Variants in DKK3 observed in about 807,000 individuals in gnomAD.
DKK3 encodes the protein dickkopf-related protein 3.
DKK3 carries 22 observed loss-of-function variants against 33.2 expected under a neutral mutation model. The ratio of observed to expected loss-of-function variants is 0.66; its 90% CI spans 0.47 to 0.95. The LOEUF is 0.95. Ranked by LOEUF, DKK3 falls within the 40% of genes least tolerant of loss-of-function variation. DKK3 has a pLI of 0.00. For missense variants in DKK3, 398 were observed against 458.4 expected, an observed-to-expected ratio of 0.87 and a Z score of 1.20; for synonymous variants, 194 against 188.8, an observed-to-expected ratio of 1.03 and a Z score of -0.23.
intron 3 of DKK3, among the ~76,000 whole-genome samples, chr11:11,976,084 G>A (rs1847827149): frequency 1.3e-5 from 2 of 152,202 alleles, no homozygotes; most frequent in South Asian, 4.1e-4. Flanking sequence ...CTCACGGCAG[G>A]AGCTCAAAGG....
upstream of DKK3, chr11:12,008,850 A>G (rs1848600664): frequency 7.8e-6 from 9 of 1,151,872 alleles, no homozygotes; most frequent in Non-Finnish European, 8.5e-6. The surrounding 1 kb of genome is among the most constrained non-coding windows in gnomAD (Gnocchi z 4.6). Flanking sequence ...CTCGAGCACA[A>G]GCTGAGCTCT....
intron 3 of DKK3, among the ~76,000 whole-genome samples, chr11:11,987,876 G>C (rs1188545087): frequency 6.6e-6 from 1 of 152,178 alleles, no homozygotes; most frequent in African/African-American, 2.4e-5. Flanking sequence ...CATATTTACT[G>C]ATTCATCACA....
At chr11:11,975,224 G>A (rs531711561) in intron 3 of DKK3, among the ~76,000 whole-genome samples, 18 of 152,264 alleles carry the variant, frequency 1.2e-4, no homozygotes, top group African/African-American at 3.6e-4. Flanking sequence ...CCTCTGTTTC[G>A]GATCTTCCAC....
chr11:11,998,475 AT>A (rs2133322618), intron 3 of DKK3: 1 of 612,030 alleles, frequency 1.6e-6, no homozygotes, highest in Non-Finnish European at 2.9e-6. Context: ...ACTCAATTTA[AT>A]TTATCTGTTG....
chr11:11,969,897 G>A (rs955676492), intron 3 of DKK3, among the ~76,000 whole-genome samples: 2 of 152,168 alleles, frequency 1.3e-5, no homozygotes, highest in African/African-American at 2.4e-5. Context: ...TGATACCATC[G>A]CTGTTTTTAC....
chr11:11,976,591 C>T (rs1590512941), intron 3 of DKK3, among the ~76,000 whole-genome samples: 1 of 152,186 alleles, frequency 6.6e-6, no homozygotes, highest in African/African-American at 2.4e-5. Flanking sequence ...AGTGGTTGGG[C>T]TGGGTCGGGG....
chr11:11,972,654 G>C (rs1847747979), intron 3 of DKK3, among the ~76,000 whole-genome samples: 1 of 152,218 alleles, frequency 6.6e-6, no homozygotes, highest in Admixed American at 6.5e-5. Flanking sequence ...TGAGTGGGTG[G>C]GTGGAGAGGA....
intron 3 of DKK3, among the ~76,000 whole-genome samples, chr11:11,975,859 G>A (rs1488814301): frequency 6.6e-6 from 1 of 152,214 alleles, no homozygotes; most frequent in Non-Finnish European, 1.5e-5. Context: ...ATGTAGGGCT[G>A]AGACAGGCTT....
chr11:12,002,478 T>C, intron 1 of DKK3, 41 bp from the exon 2 acceptor site: 1 of 1,593,238 alleles, frequency 6.3e-7, no homozygotes, highest in Non-Finnish European at 8.6e-7. Flanking sequence ...TTATTTTCTC[T>C]TGTTACAAAT....
In DKK3 at chr11:11,965,835, G is replaced by A. The variant is rs1847577623; in HGVS notation, c.804C>T (p.Ala268=). The change falls in exon 6 of 7, where the codon GCC becomes GCT. Residue 268 remains alanine, a synonymous_variant. Transcript: ENST00000683431. ...PDGALDRCPC[A]SGLLCQPHSH... The stretch of plus-strand genomic sequence containing the variant: ...TGTGGGGCTGGCAGAGGAGGCCACT[G>A]GCACAAGGGCATCGGTCCAAGGCTC... The A allele has an allele frequency of 6.2e-7, 1 of 1,614,146 alleles. No homozygotes were observed. Among genetic ancestry groups the A allele is most frequent in the East Asian group, 2.2e-5 (1 of 44,872 alleles).
chr11:12,009,004 C>T, upstream of DKK3: 1 of 995,444 alleles, frequency 1.0e-6, no homozygotes, highest in Non-Finnish European at 1.2e-6. Context: ...AGTGCCCGAC[C>T]CCCACTTCCA....
At chr11:11,984,568 T>C (rs887711209) in intron 3 of DKK3, among the ~76,000 whole-genome samples, 1 of 151,774 alleles carries the variant, frequency 6.6e-6, no homozygotes, top group Non-Finnish European at 1.5e-5. Flanking sequence ...TTCTGCTGTA[T>C]GCCCAAGCTG....
chr11:11,969,089 C>T (rs967557144), intron 3 of DKK3, among the ~76,000 whole-genome samples: 3 of 152,216 alleles, frequency 2.0e-5, no homozygotes, highest in African/African-American at 7.2e-5. Flanking sequence ...CAGGTGCTGT[C>T]TCCTCATGGC....
At chr11:12,008,677 G>T (rs1201098936), upstream of DKK3, 4 of 530,170 alleles carry the variant, frequency 7.5e-6, no homozygotes, top group South Asian at 2.9e-4. This position sits in a 1 kb window ranked among gnomAD's most constrained non-coding sequence, Gnocchi z 4.6. Context: ...GCCCCGCCCC[G>T]TTCCGCCCCG....
At chr11:11,988,260 C>G (rs1043256603) in intron 3 of DKK3, among the ~76,000 whole-genome samples, 1 of 152,224 alleles carries the variant, frequency 6.6e-6, no homozygotes, top group Non-Finnish European at 1.5e-5. Context: ...TTAGATGACT[C>G]AATCTCCATC....
intron 2 of DKK3, among the ~76,000 whole-genome samples, chr11:11,999,128 C>G (rs530326092): frequency 2.5e-4 from 38 of 152,308 alleles, no homozygotes; most frequent in African/African-American, 8.9e-4. Context: ...AACTCAATGT[C>G]AACTTTATTC....
At chr11:11,994,240 A>G (rs1376095527) in intron 3 of DKK3, among the ~76,000 whole-genome samples, 1 of 152,088 alleles carries the variant, frequency 6.6e-6, no homozygotes, top group African/African-American at 2.4e-5. Context: ...CTTCAGTAAT[A>G]ATGAACCTCA....
rs1848413994 is a variant in DKK3 at position 12,000,961 on chromosome 11, T to C, written c.351+1339A>G. On this transcript the variant is annotated intron_variant, in intron 2 of 6. Transcript: ENST00000683431. ...ACAATGAACTTTCATATACTTTAGGTCATTTGACCTGCACAGTACTGTAAT... is the reference window on the plus strand; with the variant it reads ...ACAATGAACTTTCATATACTTTAGGCCATTTGACCTGCACAGTACTGTAAT... Among the ~76,000 whole-genome samples the C allele has an allele frequency of 2.0e-5, 3 of 152,230 alleles. No individual in the cohort carries two copies. In the South Asian group the frequency reaches 6.2e-4, roughly 32 times the overall value.
At chr11:12,001,265 C>T (rs1413744212) in intron 2 of DKK3, among the ~76,000 whole-genome samples, 1 of 152,214 alleles carries the variant, frequency 6.6e-6, no homozygotes, top group Non-Finnish European at 1.5e-5. Context: ...TAAACTCATT[C>T]ATTTACCTGG....
Sources: allele counts gnomAD v4.1 joint callset (sites outside exome capture counted in the v4.1 genomes callset), GRCh38; gene constraint gnomAD v4.1.1; non-coding constraint Gnocchi (gnomAD v3.1); transcripts MANE v1.5; gene names NCBI Gene and HGNC (gene_info 2026-07-23, HGNC 2026-07-21).